ARPC3: variants seen among roughly 807,000 people sequenced by gnomAD.
ARPC3 encodes actin-related protein 2/3 complex subunit 3.
ARPC3 carries 12 observed loss-of-function variants against 27.6 expected under a neutral mutation model. The ratio of observed to expected loss-of-function variants is 0.43; its 90% CI spans 0.28 to 0.70. The LOEUF is 0.70. ARPC3 is among the 30% of genes least tolerant of loss of function. The pLI, the probability that ARPC3 is intolerant of heterozygous loss-of-function variation, is 0.17. For missense variants in ARPC3, 153 were observed against 207.7 expected, an observed-to-expected ratio of 0.74 and a Z score of 1.62; for synonymous variants, 53 against 67.2, an observed-to-expected ratio of 0.79 and a Z score of 1.03.
At chr12:110,448,838 C>T (rs186346657) in intron 1 of ARPC3, among the ~76,000 whole-genome samples, 108 of 142,426 alleles carry the variant, frequency 7.6e-4, no homozygotes, top group African/African-American at 2.6e-3. Flanking sequence ...TGCAGTGGCA[C>T]GGTCTCGGCT....
intron 3 of ARPC3, among the ~76,000 whole-genome samples, chr12:110,438,179 C>T (rs1040195335): frequency 6.6e-6 from 1 of 151,770 alleles, no homozygotes; most frequent in Non-Finnish European, 1.5e-5. Context: ...GCCTGTAATC[C>T]CAGCTGCTAG....
At chr12:110,437,037 T>C (rs1463227650) in intron 4 of ARPC3, 47 bp downstream of exon 4, 2 of 1,294,946 alleles carry the variant, frequency 1.5e-6, no homozygotes, top group South Asian at 1.2e-5. Context: ...GGTAAATGCC[T>C]CTCAGCAATT....
chr12:110,436,869 A>T (rs2062409052), intron 4 of ARPC3, 186 bp from the exon 5 acceptor site: 1 of 666,362 alleles, frequency 1.5e-6, no homozygotes, highest in Non-Finnish European at 2.5e-6. Flanking sequence ...AATATATTCA[A>T]AGCCTTAAAA....
chr12:110,450,209 C>T, intron 1 of ARPC3, 46 bp downstream of exon 1: 2 of 1,613,258 alleles, frequency 1.2e-6, no homozygotes, highest in Non-Finnish European at 1.7e-6. Context: ...TCTCTCTGCT[C>T]TTCGCAATCC....
intron 1 of ARPC3, among the ~76,000 whole-genome samples, chr12:110,448,932 C>A (rs1201677531): frequency 6.6e-6 from 1 of 151,670 alleles, no homozygotes; most frequent in Non-Finnish European, 1.5e-5. Context: ...CGCACCACCA[C>A]GCCTGGCTAA....
intron 2 of ARPC3, chr12:110,445,039 A>G: frequency 4.5e-6 from 1 of 224,256 alleles, no homozygotes; most frequent in East Asian, 1.2e-4. Context: ...GGTATTGCTA[A>G]AAATGAAGAT....
At chr12:110,445,830 G>C (rs551517329) in intron 1 of ARPC3, among the ~76,000 whole-genome samples, 5 of 152,310 alleles carry the variant, frequency 3.3e-5, no homozygotes, top group South Asian at 4.1e-4. Context: ...TTGGCTGGAC[G>C]TGGTGGCTCA....
chr12:110,445,355 G>A, intron 2 of ARPC3, 97 bp downstream of exon 2: 1 of 956,254 alleles, frequency 1.0e-6, no homozygotes, highest in South Asian at 1.3e-5. Context: ...GGCAATTTGA[G>A]AGAGAAGACT....
At chr12:110,448,459 T>C (rs1277598550) in intron 1 of ARPC3, among the ~76,000 whole-genome samples, 2 of 151,982 alleles carry the variant, frequency 1.3e-5, no homozygotes, top group Non-Finnish European at 2.9e-5. Flanking sequence ...GGAGGACTGC[T>C]TGAGCCCAGA....
At chr12:110,446,297 ATTTT>A (rs1336985095) in intron 1 of ARPC3, among the ~76,000 whole-genome samples, 1 of 128,794 alleles carries the variant, frequency 7.8e-6, no homozygotes. Flanking sequence ...CTACTTCCTA[ATTTT>A]TTTTTTTTTT....
rs559147502 is a variant in ARPC3, at chr12:110,436,916, T to A, written c.252+168A>T. The A allele has an allele frequency of 1.1e-4, 74 of 689,762 alleles. 1 individual carries two copies. In the East Asian group the frequency reaches 2.0e-3, roughly 18 times the overall value. The allele number at this position is 689,762 out of a possible 1,614,324, so 42.7% of individuals were successfully genotyped here. A position where few individuals can be genotyped will look rare whatever the true frequency, so the allele number is the denominator to read the frequency against. ...TTATCTTTGTGTCAGTCAATTATACTACAAGTTCAGGTAACTAAATTCAAA... is the reference window on the plus strand; with the variant it reads ...TTATCTTTGTGTCAGTCAATTATACAACAAGTTCAGGTAACTAAATTCAAA... On this transcript the variant is annotated intron_variant, in intron 4 of 6. Coordinates refer to ENST00000228825, the MANE Select transcript of ARPC3 (RefSeq NM_001278556.2).
chr12:110,445,727 A>G, intron 1 of ARPC3, 176 bp from the exon 2 acceptor site: 1 of 638,850 alleles, frequency 1.6e-6, no homozygotes, highest in Non-Finnish European at 2.8e-6. Flanking sequence ...AAGAAAACCA[A>G]TTGTTAAATT....
At chr12:110,445,616 A>G (rs2062460407) in intron 1 of ARPC3, 65 bp from the exon 2 acceptor site, 1 of 1,225,708 alleles carries the variant, frequency 8.2e-7, no homozygotes. Flanking sequence ...GTGGCAAACA[A>G]CCTTCCCTTA....
At chr12:110,444,262 C>T (rs1023234868) in intron 2 of ARPC3, among the ~76,000 whole-genome samples, 5 of 151,650 alleles carry the variant, frequency 3.3e-5, no homozygotes, top group Non-Finnish European at 7.4e-5. Flanking sequence ...TGAGCCATCA[C>T]GCCTGGCCTT....
rs551750302 is a variant in ARPC3 at position 110,446,829 on chromosome 12, G to A, written c.7-1278C>T. Among the ~76,000 whole-genome samples, 7 of 150,798 alleles carry A rather than the reference G, an allele frequency of 4.6e-5. No individual in the cohort carries two copies. In the South Asian group the frequency reaches 6.3e-4, roughly 14 times the overall value. On this transcript the variant is annotated intron_variant, in intron 1 of 6. Transcript: ENST00000228825. ...TCACCATGTTGGTCAGGCTGGTCTC[G>A]AACTCCTGACCCCATGATCCACCCG...
At chr12:110,436,286 G>C (rs1470918947) in intron 5 of ARPC3, 82 bp from the exon 6 acceptor site, 33 of 1,194,134 alleles carry the variant, frequency 2.8e-5, no homozygotes, top group Non-Finnish European at 3.7e-5. Context: ...GCTCACTGTG[G>C]TAATACATTT....
At position 110,435,080 on chromosome 12, in the gene ARPC3, A is replaced by C; in HGVS notation, c.*75T>G. The C allele has an allele frequency of 8.6e-7, 1 of 1,164,638 alleles. No homozygotes were observed. The highest frequency in any genetic ancestry group is 1.2e-5 in the South Asian group (1 of 81,388). The allele number at this position is 1,164,638 out of a possible 1,614,324, so 72.1% of individuals were successfully genotyped here. On this transcript the variant is annotated 3_prime_UTR_variant, in exon 7 of 7. Transcript: ENST00000228825. ...CTTCTGTATAAAACTTTACGAAATA[A>C]AGGCAAAAGATTGTGTACATCTTGC...
intron 1 of ARPC3, among the ~76,000 whole-genome samples, chr12:110,447,299 T>C (rs934266948): frequency 1.3e-5 from 2 of 152,224 alleles, no homozygotes; most frequent in Non-Finnish European, 2.9e-5. Flanking sequence ...TGTATGCTGA[T>C]TCTTAGTTCT....
intron 2 of ARPC3, among the ~76,000 whole-genome samples, chr12:110,442,333 C>T (rs961362337): frequency 3.9e-5 from 6 of 152,154 alleles, no homozygotes; most frequent in Non-Finnish European, 7.3e-5. Flanking sequence ...TTCAGTCGGG[C>T]GCAGTGGCTC....
Sources: gnomAD v4.1 joint callset for allele counts (sites outside exome capture counted in the v4.1 genomes callset) on GRCh38, gnomAD v4.1.1 for gene constraint, MANE v1.5 for transcripts, NCBI Gene and HGNC (gene_info 2026-07-23, HGNC 2026-07-21) for gene names.